BTBD9: variants seen among roughly 807,000 people sequenced by gnomAD.
BTBD9 encodes the protein BTB/POZ domain-containing protein 9.
Under a neutral mutation model 64.3 loss-of-function variants are expected in BTBD9, and 49 were observed. The observed-to-expected ratio is 0.76, with a 90% CI of 0.61 to 0.97. BTBD9 has a LOEUF of 0.97. Ranked by LOEUF, BTBD9 falls within the 50% of genes least tolerant of loss-of-function variation. The probability of loss-of-function intolerance (pLI) is 0.00; values close to 1 mark genes in which losing one functional copy is unlikely to be tolerated. For synonymous variants in BTBD9, 260 were observed against 274.7 expected, an observed-to-expected ratio of 0.95 and a Z score of 0.53; for missense variants, 598 against 762.1, an observed-to-expected ratio of 0.78 and a Z score of 2.53.
At chr6:38,434,289 G>A (rs749346393) in intron 6 of BTBD9, among the ~76,000 whole-genome samples, 1 of 151,838 alleles carries the variant, frequency 6.6e-6, no homozygotes, top group Admixed American at 6.6e-5. Context: ...GAAAACATTC[G>A]TCATCTGTTG....
chr6:38,525,647 C>T (rs1252821281), intron 6 of BTBD9, among the ~76,000 whole-genome samples: 1 of 152,104 alleles, frequency 6.6e-6, no homozygotes, highest in African/African-American at 2.4e-5. Context: ...CTGAGGTGGT[C>T]TCAGATGGAG....
chr6:38,515,901 T>G (rs1773003838), intron 6 of BTBD9, among the ~76,000 whole-genome samples: 2 of 152,198 alleles, frequency 1.3e-5, no homozygotes, highest in Non-Finnish European at 2.9e-5. Flanking sequence ...AAACACAGTT[T>G]CAAAGATAAT....
intron 8 of BTBD9, among the ~76,000 whole-genome samples, chr6:38,258,667 G>C (rs566442014): frequency 1.8e-4 from 27 of 152,322 alleles, no homozygotes; most frequent in African/African-American, 6.5e-4. Flanking sequence ...AAGGCGGGTG[G>C]ATCATGAGAT....
In BTBD9 at chr6:38,281,524, C is replaced by T. The variant is rs866278051; in HGVS notation, c.1454+6748G>A. Among the ~76,000 whole-genome samples the T allele has an allele frequency of 5.3e-5, 8 of 152,286 alleles. No individual in the cohort carries two copies. In the South Asian group the frequency reaches 1.7e-3, roughly 32 times the overall value. On this transcript the variant is annotated intron_variant, in intron 8 of 10. Coordinates refer to ENST00000481247, the MANE Select transcript of BTBD9 (RefSeq NM_001099272.2). ...GACATAAACTGATTTGTGGTTCAGA[C>T]AGTCTGTGCCAGATTAACTTTTTAA...
At chr6:38,283,695 C>T (rs923297740) in intron 8 of BTBD9, among the ~76,000 whole-genome samples, 3 of 152,192 alleles carry the variant, frequency 2.0e-5, no homozygotes, top group African/African-American at 7.2e-5. Context: ...TTGGGCCCTA[C>T]CACAGCCAGG....
chr6:38,432,519 T>C (rs1768490930), intron 6 of BTBD9, among the ~76,000 whole-genome samples: 1 of 151,974 alleles, frequency 6.6e-6, no homozygotes, highest in Non-Finnish European at 1.5e-5. Flanking sequence ...AGGCATAGTT[T>C]CCATAATCCC....
intron 7 of BTBD9, among the ~76,000 whole-genome samples, chr6:38,326,522 G>A (rs553955824): frequency 2.6e-5 from 4 of 152,232 alleles, no homozygotes; most frequent in South Asian, 2.1e-4. Flanking sequence ...AAATGACAAC[G>A]GTGAGGAGAG....
intron 9 of BTBD9, among the ~76,000 whole-genome samples, chr6:38,206,896 A>C (rs1442852040): frequency 4.6e-5 from 7 of 152,204 alleles, no homozygotes; most frequent in Non-Finnish European, 7.4e-5. Context: ...CAAAATCTAA[A>C]AGTCTGACCA....
intron 6 of BTBD9, among the ~76,000 whole-genome samples, chr6:38,513,232 G>T (rs1772854108): frequency 6.6e-6 from 1 of 152,084 alleles, no homozygotes; most frequent in African/African-American, 2.4e-5. Flanking sequence ...GAGGGGAGTG[G>T]ATCAGGAGTT....
rs117814380 is a variant in BTBD9, at chr6:38,364,185, T to C, written c.1155-19092A>G. Among the ~76,000 whole-genome samples, 357 of 152,242 alleles carry C rather than the reference T, an allele frequency of 2.3e-3. 11 individuals are homozygous for C. In the East Asian group the frequency reaches 0.057, roughly 24 times the overall value. Reference sequence around the variant, plus strand: ...CAAGGGACATTTGGAGGACACTGTGTTTAAATTTGGGGATCATTTTATAGG... The same window carrying C: ...CAAGGGACATTTGGAGGACACTGTGCTTAAATTTGGGGATCATTTTATAGG... On this transcript the variant is annotated intron_variant, in intron 6 of 10. Transcript: ENST00000481247.
At chr6:38,209,299 G>A (rs905977114) in intron 9 of BTBD9, among the ~76,000 whole-genome samples, 5 of 152,188 alleles carry the variant, frequency 3.3e-5, no homozygotes, top group Admixed American at 2.0e-4. Flanking sequence ...CTCTTGTACA[G>A]TAATCTCACC....
Position 38,577,666 on chromosome 6 carries a change from A to G in BTBD9, c.1088T>C (p.Val363Ala), listed in dbSNP as rs771301742. ...ACACAGATATTGTGAATGATCTATC[A>G]CTCTGACCCAATCAAGTTCATCCAT... The part of the protein sequence containing the change: ...VSMDELDWVR[V>A]IDHSQYLCRS... Residue 363 changes from valine to alanine, a missense_variant, in exon 6 of 11, where the codon GTG (valine) becomes GCG (alanine). Transcript: ENST00000481247. 12 of 1,610,420 alleles carry G rather than the reference A, an allele frequency of 7.5e-6. No individual in the cohort carries two copies. The highest frequency in any genetic ancestry group is 3.3e-4 in the Middle Eastern group (2 of 6,082).
intron 6 of BTBD9, 79 bp from the exon 7 acceptor site, chr6:38,345,172 G>A: frequency 1.1e-6 from 1 of 885,396 alleles, no homozygotes; most frequent in South Asian, 1.6e-5. Context: ...AGTAAGACAC[G>A]TCACCTAAAC....
At chr6:38,393,050 T>G (rs1766504293) in intron 6 of BTBD9, among the ~76,000 whole-genome samples, 1 of 152,060 alleles carries the variant, frequency 6.6e-6, no homozygotes, top group Non-Finnish European at 1.5e-5. Flanking sequence ...AATTTTTGTA[T>G]TTTTTAGTAG....
chr6:38,508,786 T>C (rs975467012), intron 6 of BTBD9, among the ~76,000 whole-genome samples: 3 of 152,174 alleles, frequency 2.0e-5, no homozygotes, highest in Admixed American at 2.0e-4. Flanking sequence ...CTCTTTCTTC[T>C]TGCAGTCCAT....
intron 7 of BTBD9, among the ~76,000 whole-genome samples, chr6:38,310,667 A>T (rs995105714): frequency 4.0e-5 from 6 of 151,738 alleles, no homozygotes; most frequent in African/African-American, 1.4e-4. Context: ...TTTATTTTTT[A>T]ATTTTTGCGG....
intron 7 of BTBD9, among the ~76,000 whole-genome samples, chr6:38,303,874 TACACACACAC>T (rs1554137166): frequency 1.2e-4 from 10 of 82,628 alleles, no homozygotes; most frequent in Non-Finnish European, 1.9e-4. Context: ...TATATATATA[TACACACACAC>T]ACATGTGTAT....
At chr6:38,317,971 G>A (rs531274358) in intron 7 of BTBD9, among the ~76,000 whole-genome samples, 5 of 140,268 alleles carry the variant, frequency 3.6e-5, no homozygotes, top group South Asian at 4.5e-4. Context: ...GCCTCGCTGT[G>A]TTGCCCAGGC....
intron 7 of BTBD9, among the ~76,000 whole-genome samples, chr6:38,302,465 T>A (rs1762438938): frequency 7.3e-6 from 1 of 136,682 alleles, no homozygotes; most frequent in East Asian, 2.2e-4. Flanking sequence ...AATGGCTGAA[T>A]AATATTCCAT....
Sources: allele counts gnomAD v4.1 joint callset (sites outside exome capture counted in the v4.1 genomes callset), GRCh38; gene constraint gnomAD v4.1.1; transcripts MANE v1.5; gene names NCBI Gene and HGNC (gene_info 2026-07-23, HGNC 2026-07-21).